The following DOCK7 variants were observed in gnomAD, a reference collection of about 807,000 sequenced individuals.
DOCK7 encodes the protein dedicator of cytokinesis 7.
In DOCK7, 138 loss-of-function variants were observed where a neutral mutation model predicts 271.0. That is an observed-to-expected ratio of 0.51 (90% CI 0.44 to 0.59). The LOEUF (loss-of-function observed/expected upper bound fraction) is 0.59, where lower values mean the gene tolerates loss of function less well. Among genes scored for constraint, DOCK7 ranks in the 20% least tolerant of loss-of-function variants. DOCK7 has a pLI of 0.00. For synonymous variants in DOCK7, 823 were observed against 876.1 expected, an observed-to-expected ratio of 0.94 and a Z score of 1.07; for missense variants, 2,066 against 2,592.4, an observed-to-expected ratio of 0.80 and a Z score of 4.41.
chr1:62,637,071 T>C (rs557353429), intron 7 of DOCK7, among the ~76,000 whole-genome samples: 79 of 152,330 alleles, frequency 5.2e-4, no homozygotes, highest in East Asian at 1.9e-4. Flanking sequence ...AACAGTTTAA[T>C]GCCTAATCCA....
At chr1:62,624,895 C>T (rs981565272) in intron 12 of DOCK7, among the ~76,000 whole-genome samples, 1 of 151,844 alleles carries the variant, frequency 6.6e-6, no homozygotes, top group African/African-American at 2.4e-5. Context: ...CTGCTTGAAC[C>T]TGGGAGGCGG....
chr1:62,616,185 T>C (rs1025037219), intron 14 of DOCK7, among the ~76,000 whole-genome samples: 2 of 151,804 alleles, frequency 1.3e-5, no homozygotes, highest in African/African-American at 2.4e-5. Flanking sequence ...ACTGGATACA[T>C]CCTTAAGAGA....
At chr1:62,535,811 T>C (rs1477418755) in intron 28 of DOCK7, among the ~76,000 whole-genome samples, 179 bp from the exon 29 acceptor site, 8 of 152,248 alleles carry the variant, frequency 5.3e-5, no homozygotes, top group Admixed American at 5.2e-4. Context: ...GATTGCTTTA[T>C]TAAGTTAATT....
At chr1:62,513,265 G>T (rs1447118875) in intron 33 of DOCK7, among the ~76,000 whole-genome samples, 179 bp downstream of exon 33, 1 of 83,380 alleles carries the variant, frequency 1.2e-5, no homozygotes, top group East Asian at 5.5e-4. Flanking sequence ...GGGGGGGGGG[G>T]GCGGTATGCT....
chr1:62,492,527 A>C (rs913994263), intron 41 of DOCK7, 177 bp downstream of exon 41: 16 of 645,494 alleles, frequency 2.5e-5, no homozygotes, highest in Non-Finnish European at 3.9e-5. Context: ...GATTCAAGCA[A>C]TCCTCCCGTC....
intron 23 of DOCK7, 94 bp downstream of exon 23, chr1:62,544,853 A>T: frequency 1.0e-6 from 1 of 997,342 alleles, no homozygotes; most frequent in Admixed American, 3.0e-5. Flanking sequence ...TGATTAAAAA[A>T]AGCAAGCCAC....
intron 26 of DOCK7, 43 bp from the exon 27 acceptor site, chr1:62,539,701 AG>A: frequency 6.2e-7 from 1 of 1,611,194 alleles, no homozygotes; most frequent in East Asian, 2.2e-5. Flanking sequence ...AAAGTATGAT[AG>A]CTTAATCTGA....
chr1:62,544,952 T>C lies in DOCK7; in HGVS notation c.2854A>G (p.Thr952Ala), dbSNP rs931119441. Residue 952 changes from threonine to alanine, a missense_variant, in exon 23 of 50, where the codon ACA (threonine) becomes GCA (alanine). Thr to Ala is a moderately conservative substitution (Grantham distance 58). Transcript: ENST00000635253. ...GSNPSPSAES[T>A]QAMDRSCNRM... ...ACCTCTAATATAAACACCACCTGTG[T>C]TGATTCTGCACTTGGACTGGGGTTG... The C allele has an allele frequency of 1.2e-5, 19 of 1,549,196 alleles. No homozygotes were observed. Among genetic ancestry groups the C allele is most frequent in the Non-Finnish European group, 1.6e-5 (18 of 1,146,166 alleles).
chr1:62,604,726 G>A (rs1372959784), intron 14 of DOCK7: 1 of 1,613,140 alleles, frequency 6.2e-7, no homozygotes, highest in Non-Finnish European at 8.5e-7. Context: ...AGGAGAAGAG[G>A]ATTATCTTGG....
intron 27 of DOCK7, 43 bp from the exon 28 acceptor site, chr1:62,538,104 T>G (rs1431634505): frequency 6.4e-7 from 1 of 1,572,558 alleles, no homozygotes; most frequent in Admixed American, 1.8e-5. Flanking sequence ...ATTGAATCTA[T>G]TATTTCTTTA....
At chr1:62,646,061 C>T (rs1247591818) in intron 7 of DOCK7, among the ~76,000 whole-genome samples, 3 of 151,168 alleles carry the variant, frequency 2.0e-5, no homozygotes, top group African/African-American at 7.3e-5. Flanking sequence ...GCAGGAGAAT[C>T]GCTTGAACCC....
At chr1:62,673,954 AG>A (rs962608062) in intron 1 of DOCK7, among the ~76,000 whole-genome samples, 19 of 85,074 alleles carry the variant, frequency 2.2e-4, no homozygotes, top group East Asian at 1.0e-3. Flanking sequence ...GGGAGGGGGA[AG>A]GGGGGGAGGT....
At chr1:62,561,457 A>T (rs560416507) in intron 19 of DOCK7, among the ~76,000 whole-genome samples, 160 bp downstream of exon 19, 1 of 152,320 alleles carries the variant, frequency 6.6e-6, no homozygotes, top group East Asian at 1.9e-4. Context: ...CTTTTTAAAA[A>T]AATCTTCTAA....
chr1:62,502,985 G>A (rs1241829415), intron 37 of DOCK7, among the ~76,000 whole-genome samples: 1 of 152,026 alleles, frequency 6.6e-6, no homozygotes, highest in Non-Finnish European at 1.5e-5. Flanking sequence ...AAAGAAAGCA[G>A]AGGTCAAAAT....
chr1:62,463,899 G>A (rs777823313), intron 48 of DOCK7, among the ~76,000 whole-genome samples: 5 of 152,108 alleles, frequency 3.3e-5, no homozygotes, highest in Non-Finnish European at 7.4e-5. Context: ...CTTAGGCTGG[G>A]TGGTAGACAC....
In DOCK7 at chr1:62,597,629, A is replaced by C. The variant is rs752195217; in HGVS notation, c.1683-11005T>G. On this transcript the variant is annotated intron_variant, in intron 14 of 49. Coordinates refer to ENST00000635253, the MANE Select transcript of DOCK7 (RefSeq NM_001367561.1). Reference sequence around the variant, plus strand: ...TAGTTATTTCCTCCAGAATTGATCAAGACAATTCATCATTTGATTCTCTAT... The same window carrying C: ...TAGTTATTTCCTCCAGAATTGATCACGACAATTCATCATTTGATTCTCTAT... 1.9e-5 allele frequency: 31 copies of C among 1,612,868 alleles called. 1 individual carries two copies. The South Asian group carries it at 3.3e-4, about 17-fold the overall frequency.
chr1:62,539,980 G>T, intron 25 of DOCK7, 88 bp from the exon 26 acceptor site: 1 of 876,988 alleles, frequency 1.1e-6, no homozygotes, highest in Non-Finnish European at 1.6e-6. Flanking sequence ...TTTAAAATAT[G>T]GCATGTAATT....
intron 18 of DOCK7, among the ~76,000 whole-genome samples, chr1:62,576,622 C>T (rs1256006481): frequency 1.3e-5 from 2 of 152,200 alleles, no homozygotes. Context: ...TTTAGAGTAA[C>T]ATTTACCAGC....
chr1:62,618,299 C>T (rs1210280916), intron 14 of DOCK7, among the ~76,000 whole-genome samples: 1 of 152,100 alleles, frequency 6.6e-6, no homozygotes, highest in Non-Finnish European at 1.5e-5. Context: ...ATGCTAGATT[C>T]TGCTACTAAA....
Sources: gnomAD v4.1 joint callset for allele counts (sites outside exome capture counted in the v4.1 genomes callset) on GRCh38, gnomAD v4.1.1 for gene constraint, MANE v1.5 for transcripts, NCBI Gene and HGNC (gene_info 2026-07-23, HGNC 2026-07-21) for gene names.